Variants in FRMD4B observed in about 807,000 individuals in gnomAD.
FRMD4B encodes FERM domain-containing protein 4B.
FRMD4B carries 74 observed loss-of-function variants against 141.5 expected under a neutral mutation model. The observed-to-expected ratio is 0.52, with a 90% CI of 0.43 to 0.63. FRMD4B has a LOEUF of 0.63. Among genes scored for constraint, FRMD4B ranks in the 30% least tolerant of loss-of-function variants. FRMD4B has a pLI of 0.00. For synonymous variants in FRMD4B, 506 were observed against 467.9 expected (o/e 1.08, Z -1.05); for missense variants, 1,366 against 1,253.4 (o/e 1.09, Z -1.36).
intron 1 of FRMD4B, among the ~76,000 whole-genome samples, chr3:69,336,088 C>T (rs1702540543): frequency 7.7e-6 from 1 of 129,980 alleles, no homozygotes; most frequent in Non-Finnish European, 1.7e-5. Flanking sequence ...CCCTCAAGAA[C>T]CAATTATAAC....
intron 7 of FRMD4B, among the ~76,000 whole-genome samples, chr3:69,238,059 A>T (rs1177512267): frequency 6.6e-6 from 1 of 152,116 alleles, no homozygotes; most frequent in African/African-American, 2.4e-5. Flanking sequence ...TGGCCATCCT[A>T]GGCACTTGCT....
chr3:69,256,353 T>C (rs551856834), intron 5 of FRMD4B, among the ~76,000 whole-genome samples: 8 of 152,206 alleles, frequency 5.3e-5, no homozygotes, highest in Non-Finnish European at 8.8e-5. Context: ...GGAGTCTCAC[T>C]CTGCCTCACA....
chr3:69,267,636 TAGAGAGAGAGAGAG>T (rs55659743), intron 5 of FRMD4B, among the ~76,000 whole-genome samples: 73 of 32,876 alleles, frequency 2.2e-3, no homozygotes, highest in African/African-American at 6.9e-3. Flanking sequence ...TATATATATA[TAGAGAGAGAGAGAG>T]AGAGAGAGAG....
In FRMD4B at chr3:69,216,359, G is replaced by A. The variant is rs767782303; in HGVS notation, c.790-10C>T. On this transcript the variant is annotated splice_polypyrimidine_tract_variant and intron_variant, in intron 10 of 22. Coordinates refer to ENST00000398540, the MANE Select transcript of FRMD4B (RefSeq NM_015123.3). ...GAAGTCCTTGCTTATCCTAGAAGAT[G>A]AAAAAGCATGAGAACCAAGACCTAG... 1.4e-6 allele frequency: 2 copies of A among 1,408,130 alleles called. No individual in the cohort carries two copies. Among genetic ancestry groups the A allele is most frequent in the Non-Finnish European group, 2.0e-6 (2 of 1,011,608 alleles). The allele number at this position is 1,408,130 out of a possible 1,614,324, so 87.2% of individuals were successfully genotyped here. A position where few individuals can be genotyped will look rare whatever the true frequency, so the allele number is the denominator to read the frequency against.
At chr3:69,460,169 T>C (rs570108833) in intron 1 of FRMD4B, among the ~76,000 whole-genome samples, 2 of 152,316 alleles carry the variant, frequency 1.3e-5, no homozygotes, top group African/African-American at 4.8e-5. Context: ...CATGGCTTTA[T>C]ACTCAGATGG....
In FRMD4B at chr3:69,431,293, TCA is replaced by T. The variant is rs760727972; in HGVS notation, c.-1+1339_-1+1340del. Among the ~76,000 whole-genome samples the T allele has an allele frequency of 1.3e-3, 199 of 152,282 alleles. 1 individual carries two copies. Among genetic ancestry groups the T allele is most frequent in the Admixed American group, 3.1e-3 (47 of 15,276 alleles). Reference sequence around the variant, plus strand: ...TAAGGTGCTTGAATCAAGGAGACAATCAATAAGAGTTTGTTTGAGAAGTACAC... The same window carrying T: ...TAAGGTGCTTGAATCAAGGAGACAATATAAGAGTTTGTTTGAGAAGTACAC... On this transcript the variant is annotated intron_variant, in intron 2 of 5. Coordinates refer to the FRMD4B transcript ENST00000459638.
chr3:69,174,843 A>G (rs1201420820), intron 22 of FRMD4B, among the ~76,000 whole-genome samples: 1 of 152,256 alleles, frequency 6.6e-6, no homozygotes, highest in Non-Finnish European at 1.5e-5. Context: ...CAAATATATT[A>G]TTAAAAAATG....
Position 69,371,115 on chromosome 3 carries a change from C to T in FRMD4B, c.162+14713G>A, listed in dbSNP as rs750702523. ...CAGGCTAAGACATGGTTGGGAGTCA[C>T]CTCCCTGGTTGGGGTGACATTTGAA... On this transcript the variant is annotated intron_variant, in intron 1 of 22. Coordinates refer to ENST00000398540, the MANE Select transcript of FRMD4B (RefSeq NM_015123.3). Among the ~76,000 whole-genome samples the T allele has an allele frequency of 2.5e-5, 3 of 119,018 alleles. No individual in the cohort carries two copies. The Admixed American group carries it at 2.9e-4, about 12-fold the overall frequency. The allele number at this position is 119,018 out of a possible 152,430, so 78.1% of individuals were successfully genotyped here.
intron 1 of FRMD4B, among the ~76,000 whole-genome samples, chr3:69,492,536 T>C (rs74879602): frequency 1.3e-5 from 2 of 152,326 alleles, no homozygotes; most frequent in East Asian, 1.9e-4. Context: ...GCATGAGATA[T>C]ATCTGATACA....
intron 1 of FRMD4B, among the ~76,000 whole-genome samples, chr3:69,369,288 A>G (rs1301666362): frequency 6.6e-6 from 1 of 152,214 alleles, no homozygotes; most frequent in African/African-American, 2.4e-5. Context: ...AAGTATGCAC[A>G]CATATTTATT....
At chr3:69,524,471 A>C (rs1325470071) in intron 1 of FRMD4B, among the ~76,000 whole-genome samples, 5 of 152,204 alleles carry the variant, frequency 3.3e-5, no homozygotes, top group Admixed American at 3.3e-4. Context: ...TATCAGTTAG[A>C]ATGTAGGTGC....
At position 69,330,347 on chromosome 3, in the gene FRMD4B, T is replaced by C. The variant is rs1200279669; in HGVS notation, c.163-16830A>G. ...ATATTTTGATTCTTTTGCCTTTTTT[T>C]TTTTTTTTTTTTTTTTTGAGACGGA... On this transcript the variant is annotated intron_variant, in intron 1 of 22. Coordinates refer to ENST00000398540, the MANE Select transcript of FRMD4B (RefSeq NM_015123.3). Among the ~76,000 whole-genome samples, 799 of 133,574 alleles carry C rather than the reference T, an allele frequency of 6.0e-3. 14 individuals carry two copies. Among genetic ancestry groups the C allele is most frequent in the African/African-American group, 0.022 (755 of 34,194 alleles). The allele number at this position is 133,574 out of a possible 152,430, so 87.6% of individuals were successfully genotyped here.
chr3:69,503,825 C>G (rs1212020431), intron 1 of FRMD4B, among the ~76,000 whole-genome samples: 2 of 152,170 alleles, frequency 1.3e-5, no homozygotes, highest in Non-Finnish European at 2.9e-5. Context: ...TCCCACTGCA[C>G]TACCTTGAGT....
chr3:69,385,160 G>T (rs1347102795), intron 1 of FRMD4B, among the ~76,000 whole-genome samples: 1 of 152,002 alleles, frequency 6.6e-6, no homozygotes, highest in Non-Finnish European at 1.5e-5. Flanking sequence ...TTGCCTGCAG[G>T]ATGGGACCGA....
intron 7 of FRMD4B, among the ~76,000 whole-genome samples, chr3:69,228,007 G>A (rs1025247987): frequency 1.3e-5 from 2 of 152,216 alleles, no homozygotes; most frequent in East Asian, 3.9e-4. Context: ...TAAGAAAAAC[G>A]AAGAAAGAAA....
Position 69,189,944 on chromosome 3 carries a change from T to G in FRMD4B, c.1723A>C (p.Ile575Leu). Residue 575 changes from isoleucine (I) to leucine (L), a missense_variant, in exon 18 of 23, where the codon ATC becomes CTC. Transcript: ENST00000398540. ...GACAAAGAGCTACTCTCTGAGGGGA[T>G]TATGTCTTCTGTGAATAAAAATAAC... The part of the protein sequence containing the change: ...QKATVLPEDI[I>L]PSESSSLSDT... The G allele has an allele frequency of 6.3e-7, 1 of 1,586,784 alleles. No homozygotes were observed. The highest frequency in any genetic ancestry group is 8.7e-7 in the Non-Finnish European group (1 of 1,155,698).
intron 1 of FRMD4B, among the ~76,000 whole-genome samples, chr3:69,475,314 T>G (rs918697025): frequency 1.1e-4 from 16 of 152,058 alleles, no homozygotes; most frequent in African/African-American, 3.9e-4. Flanking sequence ...CATTAACTCG[T>G]CATTTAGCAT....
Position 69,181,415 on chromosome 3 carries a change from T to C in FRMD4B, c.2335A>G (p.Met779Val), listed in dbSNP as rs182546659. 7.2e-5 allele frequency: 116 copies of C among 1,613,984 alleles called. No homozygotes were observed. In the African/African-American group the frequency reaches 1.4e-3, roughly 20 times the overall value. ...QNVSTSNSGS[M>V]PNLAQKDSLR... ...CTATCCTTTTGTGCTAGGTTGGGCA[T>C]GCTTCCTGAATTTGAAGTAGAAACA... is the stretch of plus-strand genomic sequence containing the variant. The change falls in exon 21 of 23, where the codon ATG becomes GTG. Residue 779 changes from methionine (M) to valine (V), a missense_variant. Met to Val is a conservative substitution (Grantham distance 21, BLOSUM62 1). Transcript: ENST00000398540.
intron 1 of FRMD4B, among the ~76,000 whole-genome samples, chr3:69,345,920 A>G (rs1202350178): frequency 6.6e-6 from 1 of 152,188 alleles, no homozygotes; most frequent in East Asian, 1.9e-4. Flanking sequence ...TAAAAAGCAG[A>G]GCGCCTCCCC....
Sources: allele counts gnomAD v4.1 joint callset (sites outside exome capture counted in the v4.1 genomes callset), GRCh38; gene constraint gnomAD v4.1.1; transcripts MANE v1.5; gene names NCBI Gene and HGNC (gene_info 2026-07-23, HGNC 2026-07-21).